Variants in ABCC4 observed in about 807,000 individuals in gnomAD.
ABCC4 encodes ATP-binding cassette sub-family C member 4.
Under a neutral mutation model 168.5 loss-of-function variants are expected in ABCC4, and 102 were observed. The observed-to-expected ratio is 0.61, with a 90% CI of 0.52 to 0.71. The LOEUF is 0.71. ABCC4 is among the 30% of genes least tolerant of loss of function. The pLI is 0.00. For synonymous variants in ABCC4, 617 were observed against 590.7 expected (o/e 1.04, Z -0.65); for missense variants, 1,402 against 1,605.8 (o/e 0.87, Z 2.17).
At position 95,074,372 on chromosome 13, in the gene ABCC4, G is replaced by A. The variant is rs557076694; in HGVS notation, c.2807-48C>T. The A allele has an allele frequency of 4.1e-6, 6 of 1,467,630 alleles. No individual in the cohort carries two copies. In the African/African-American group the frequency reaches 4.2e-5, roughly 10 times the overall value. The allele number at this position is 1,467,630 out of a possible 1,614,324, so 90.9% of individuals were successfully genotyped here. A position where few individuals can be genotyped will look rare whatever the true frequency, so the allele number is the denominator to read the frequency against. On this transcript the variant is annotated intron_variant, in intron 22 of 30. Coordinates refer to ENST00000645237, the MANE Select transcript of ABCC4 (RefSeq NM_005845.5). Reference sequence around the variant, plus strand: ...GCATGATGAATAAGTAGATGAATGTGCGAGTGTGTTTTGCTCAGTTGAGCT... The same window carrying A: ...GCATGATGAATAAGTAGATGAATGTACGAGTGTGTTTTGCTCAGTTGAGCT...
intron 27 of ABCC4, among the ~76,000 whole-genome samples, chr13:95,047,212 C>G (rs999182497): frequency 2.0e-5 from 3 of 152,184 alleles, no homozygotes; most frequent in Admixed American, 1.3e-4. Context: ...CTTGAAGACA[C>G]ACAGCATGGG....
At chr13:95,278,904 A>G (rs1301092835) in intron 1 of ABCC4, among the ~76,000 whole-genome samples, 9 of 151,666 alleles carry the variant, frequency 5.9e-5, no homozygotes, top group African/African-American at 1.9e-4. Context: ...TATGAAACCA[A>G]GGTATTTTTT....
chr13:95,021,212 T>A lies in ABCC4; in HGVS notation c.*363A>T, dbSNP rs1287252942. ...TAGAATCCCTGATATAAATGGAAAT[T>A]AACATGTAATTTTGGGGGCAATAAA... On this transcript the variant is annotated 3_prime_UTR_variant, in exon 31 of 31. Transcript: ENST00000645237. The A allele has an allele frequency of 5.8e-6, 1 of 173,542 alleles. No individual in the cohort carries two copies. The highest frequency in any genetic ancestry group is 1.2e-5 in the Non-Finnish European group (1 of 82,356). 10.8% of individuals were successfully genotyped at this position (173,542 alleles called of 1,614,324 possible). A position where few individuals can be genotyped will look rare whatever the true frequency, so the allele number is the denominator to read the frequency against.
At chr13:95,078,077 T>C (rs1486369617) in intron 21 of ABCC4, among the ~76,000 whole-genome samples, 1 of 152,156 alleles carries the variant, frequency 6.6e-6, no homozygotes, top group Non-Finnish European at 1.5e-5. Flanking sequence ...GCACTAACTT[T>C]TAGGGGCCCT....
At chr13:95,049,955 CT>C (rs2032760117) in intron 27 of ABCC4, among the ~76,000 whole-genome samples, 1 of 152,168 alleles carries the variant, frequency 6.6e-6, no homozygotes, top group Non-Finnish European at 1.5e-5. Context: ...AACCAAGTGA[CT>C]ATGTTTTTTG....
At chr13:95,224,704 T>C (rs12020414) in intron 4 of ABCC4, among the ~76,000 whole-genome samples, 2,895 of 151,294 alleles carry the variant, frequency 0.019, 54 homozygotes, top group Non-Finnish European at 0.03. Context: ...GCCACTGCAC[T>C]CCAGTCTGGG....
At chr13:95,169,160 C>T (rs749159080) in intron 14 of ABCC4, among the ~76,000 whole-genome samples, 2 of 152,166 alleles carry the variant, frequency 1.3e-5, no homozygotes, top group African/African-American at 2.4e-5. Context: ...CGCGGCCCTG[C>T]GGACACCTTG....
At chr13:95,038,061 C>T (rs1212020673) in intron 29 of ABCC4, among the ~76,000 whole-genome samples, 1 of 152,014 alleles carries the variant, frequency 6.6e-6, no homozygotes, top group Admixed American at 6.6e-5. Flanking sequence ...CGCTATGTTG[C>T]CCATGCTGGT....
At chr13:95,204,663 G>A (rs571504625) in intron 8 of ABCC4, among the ~76,000 whole-genome samples, 15 of 152,206 alleles carry the variant, frequency 9.9e-5, no homozygotes, top group East Asian at 3.9e-4. Context: ...CCAGTCTCAG[G>A]AAGTTCTTTA....
chr13:95,187,818 G>T (rs530770213), intron 10 of ABCC4, among the ~76,000 whole-genome samples: 18 of 152,074 alleles, frequency 1.2e-4, no homozygotes, highest in Non-Finnish European at 1.9e-4. Context: ...CTGTACGCAC[G>T]TTTCCTTCAC....
intron 29 of ABCC4, among the ~76,000 whole-genome samples, chr13:95,036,307 T>C (rs533883935): frequency 6.6e-6 from 1 of 152,164 alleles, no homozygotes; most frequent in Non-Finnish European, 1.5e-5. Flanking sequence ...GAGTTGAGAG[T>C]GAGTGAGTTC....
intron 4 of ABCC4, among the ~76,000 whole-genome samples, chr13:95,231,765 A>G (rs1478978647): frequency 6.6e-6 from 1 of 152,232 alleles, no homozygotes; most frequent in Non-Finnish European, 1.5e-5. Flanking sequence ...CTGACAAATT[A>G]ATACCTTTGG....
At chr13:95,180,028 A>G (rs117911801) in intron 11 of ABCC4, among the ~76,000 whole-genome samples, 4,723 of 152,276 alleles carry the variant, frequency 0.031, 112 homozygotes, top group Non-Finnish European at 0.045. Flanking sequence ...CCCCATTCAT[A>G]GCATGAATCC....
At chr13:95,059,128 A>C (rs1460516989) in intron 26 of ABCC4, among the ~76,000 whole-genome samples, 3 of 152,176 alleles carry the variant, frequency 2.0e-5, no homozygotes, top group Non-Finnish European at 2.9e-5. Context: ...CTGATCGGGG[A>C]CTGCGCCAGC....
At position 95,209,562 on chromosome 13, in the gene ABCC4, T is replaced by C. The variant is rs754747540; in HGVS notation, c.657A>G (p.Pro219=). ...GGGCAGTCACTGCAATCGCCTGCAGTGGTCCTGCCCACAGGAAGTGTAAGA... is the reference window on the plus strand; with the variant it reads ...GGGCAGTCACTGCAATCGCCTGCAGCGGTCCTGCCCACAGGAAGTGTAAGA... The part of the protein sequence containing the change: ...TVFLHFLWAG[P]LQAIAVTALL... Residue 219 remains proline, a synonymous_variant, in exon 6 of 31, where the codon CCA becomes CCG. Transcript: ENST00000645237. 1 of 1,614,084 alleles carries C rather than the reference T, an allele frequency of 6.2e-7. No homozygotes were observed. Among genetic ancestry groups the C allele is most frequent in the Non-Finnish European group, 8.5e-7 (1 of 1,179,950 alleles).
rs2037765474 is a variant in ABCC4, at chr13:95,177,993, T to C, written c.1640+4A>G. 1 of 1,614,026 alleles carries C rather than the reference T, an allele frequency of 6.2e-7. No individual in the cohort carries two copies. Among genetic ancestry groups the C allele is most frequent in the Non-Finnish European group, 8.5e-7 (1 of 1,179,866 alleles). Reference sequence around the variant, plus strand: ...GGCATAGTGGCTGCTGAAATGCAACTTACCTTGCAAGGTTTACCCGTGCTT... The same window carrying C: ...GGCATAGTGGCTGCTGAAATGCAACCTACCTTGCAAGGTTTACCCGTGCTT... On this transcript the variant is annotated splice_donor_region_variant and intron_variant, in intron 12 of 30. Coordinates refer to ENST00000645237, the MANE Select transcript of ABCC4 (RefSeq NM_005845.5).
intron 1 of ABCC4, among the ~76,000 whole-genome samples, chr13:95,261,221 G>A (rs2040524165): frequency 1.3e-5 from 2 of 152,014 alleles, no homozygotes; most frequent in African/African-American, 2.4e-5. Context: ...GCCGAGGTGG[G>A]CAAATCACCT....
chr13:95,261,294 C>A (rs961866760), intron 1 of ABCC4, among the ~76,000 whole-genome samples: 8 of 151,888 alleles, frequency 5.3e-5, no homozygotes, highest in African/African-American at 1.9e-4. Context: ...ACTAAAAATA[C>A]AAAAATTAGC....
intron 28 of ABCC4, 100 bp downstream of exon 28, chr13:95,044,166 G>T: frequency 8.5e-7 from 1 of 1,180,986 alleles, no homozygotes; most frequent in Non-Finnish European, 1.1e-6. Context: ...TATGTCTGGG[G>T]CAAACAGAGC....
Sources: gnomAD v4.1 joint callset for allele counts (sites outside exome capture counted in the v4.1 genomes callset) on GRCh38, gnomAD v4.1.1 for gene constraint, MANE v1.5 for transcripts, NCBI Gene and HGNC (gene_info 2026-07-23, HGNC 2026-07-21) for gene names.